The following CADPS2 variants were observed in gnomAD, a reference collection of about 807,000 sequenced individuals.
CADPS2 encodes calcium dependent secretion activator 2.
Under a neutral mutation model 172.5 loss-of-function variants are expected in CADPS2, and 93 were observed. That is an observed-to-expected ratio of 0.54 (90% CI 0.46 to 0.64). The LOEUF (loss-of-function observed/expected upper bound fraction) is 0.64, where lower values mean the gene tolerates loss of function less well. Ranked by LOEUF, CADPS2 falls within the 30% of genes least tolerant of loss-of-function variation. The pLI is 0.00. For synonymous variants in CADPS2, 546 were observed against 555.2 expected (o/e 0.98, Z 0.23); for missense variants, 1,420 against 1,565.9 (o/e 0.91, Z 1.57).
At chr7:122,336,059 C>T (rs1310215297) in intron 28 of CADPS2, among the ~76,000 whole-genome samples, 1 of 152,132 alleles carries the variant, frequency 6.6e-6, no homozygotes, top group East Asian at 1.9e-4. Flanking sequence ...GTGCTAAGAT[C>T]AAGAAATTCA....
chr7:122,586,099 A>G (rs2069642001), intron 6 of CADPS2, among the ~76,000 whole-genome samples: 1 of 151,982 alleles, frequency 6.6e-6, no homozygotes, highest in South Asian at 2.1e-4. Flanking sequence ...CTTTATAATG[A>G]TGGCTATAAT....
At chr7:122,721,004 T>C (rs1021897580) in intron 2 of CADPS2, among the ~76,000 whole-genome samples, 1 of 152,080 alleles carries the variant, frequency 6.6e-6, no homozygotes, top group African/African-American at 2.4e-5. Context: ...CAGAGCTTCA[T>C]GAGAAATTCA....
intron 1 of CADPS2, among the ~76,000 whole-genome samples, chr7:122,827,772 A>C (rs1584708329): frequency 6.6e-6 from 1 of 152,188 alleles, no homozygotes; most frequent in South Asian, 2.1e-4. Context: ...AGACAAAAAC[A>C]GTACAAAAAA....
In CADPS2 at chr7:122,749,637, A is replaced by G. The variant is rs2092864083; in HGVS notation, c.340-12569T>C. On this transcript the variant is annotated intron_variant, in intron 1 of 29. Coordinates refer to ENST00000449022, the MANE Select transcript of CADPS2 (RefSeq NM_017954.11). ...TCATGTATTTAGGGACATAAAATGC[A>G]AGGATCTTATTACTCCTTTTATAAT... 2.6e-5 allele frequency among the ~76,000 whole-genome samples: 4 copies of G among 152,148 alleles called. No individual in the cohort carries two copies. The South Asian group carries it at 8.3e-4, about 32-fold the overall frequency.
chr7:122,457,393 T>C (rs542483427), intron 14 of CADPS2, among the ~76,000 whole-genome samples: 1 of 152,218 alleles, frequency 6.6e-6, no homozygotes, highest in East Asian at 1.9e-4. Context: ...AAAACTAATT[T>C]TGACATGTTT....
At chr7:122,358,813 T>G (rs971454210) in intron 27 of CADPS2, among the ~76,000 whole-genome samples, 2 of 152,132 alleles carry the variant, frequency 1.3e-5, no homozygotes, top group African/African-American at 4.8e-5. Context: ...AATTCATCAC[T>G]TTGTAATCTG....
chr7:122,436,419 C>A, intron 17 of CADPS2: 1 of 1,225,216 alleles, frequency 8.2e-7, no homozygotes, highest in Non-Finnish European at 1.1e-6. Flanking sequence ...GAAAAGCAAA[C>A]TCTACCCTTG....
chr7:122,704,993 G>A (rs1236891548), intron 2 of CADPS2, among the ~76,000 whole-genome samples: 2 of 152,000 alleles, frequency 1.3e-5, no homozygotes, highest in African/African-American at 2.4e-5. Context: ...TAATGAAACA[G>A]CCTGAGGAGA....
At chr7:122,619,160 C>G (rs1458167073) in intron 5 of CADPS2, among the ~76,000 whole-genome samples, 1 of 151,788 alleles carries the variant, frequency 6.6e-6, no homozygotes, top group Non-Finnish European at 1.5e-5. Context: ...TTTCAACAGG[C>G]AAAATATAAT....
chr7:122,438,843 C>T (rs1189196515), intron 16 of CADPS2, among the ~76,000 whole-genome samples: 1 of 151,786 alleles, frequency 6.6e-6, no homozygotes, highest in Non-Finnish European at 1.5e-5. Context: ...TTGCACATCC[C>T]TAATTTAAAA....
chr7:122,861,920 G>A (rs1346802493), intron 1 of CADPS2, among the ~76,000 whole-genome samples: 1 of 152,162 alleles, frequency 6.6e-6, no homozygotes, highest in Non-Finnish European at 1.5e-5. Flanking sequence ...AAAGTTCTGA[G>A]GGAGAATGAT....
intron 20 of CADPS2, among the ~76,000 whole-genome samples, 151 bp from the exon 21 acceptor site, chr7:122,393,733 TATC>T (rs2044702493): frequency 6.6e-6 from 1 of 152,200 alleles, no homozygotes; most frequent in Non-Finnish European, 1.5e-5. Flanking sequence ...CCATATTGAA[TATC>T]ATATCATGGA....
intron 1 of CADPS2, among the ~76,000 whole-genome samples, chr7:122,840,040 T>A (rs1336813367): frequency 6.6e-6 from 1 of 152,136 alleles, no homozygotes; most frequent in Non-Finnish European, 1.5e-5. Flanking sequence ...CAAATGTCCA[T>A]CAATGATAGA....
chr7:122,757,883 T>C (rs1230205280), intron 1 of CADPS2, among the ~76,000 whole-genome samples: 1 of 151,526 alleles, frequency 6.6e-6, no homozygotes, highest in East Asian at 1.9e-4. Context: ...GTATGGATGT[T>C]TTTCTGCATA....
chr7:122,645,414 C>T (rs199626946), intron 3 of CADPS2, among the ~76,000 whole-genome samples: 1,264 of 87,582 alleles, frequency 0.014, 73 homozygotes, highest in East Asian at 0.054. Flanking sequence ...CATATACACA[C>T]ATGTATATGT....
intron 1 of CADPS2, among the ~76,000 whole-genome samples, chr7:122,868,191 G>T (rs1818786052): frequency 7.5e-6 from 1 of 133,908 alleles, no homozygotes; most frequent in African/African-American, 2.8e-5. Context: ...AAATCACCTA[G>T]CTCTGGAAGT....
intron 25 of CADPS2, among the ~76,000 whole-genome samples, chr7:122,372,077 C>T (rs1034700032): frequency 1.3e-5 from 2 of 152,182 alleles, no homozygotes; most frequent in Non-Finnish European, 2.9e-5. Flanking sequence ...TATTCACTAA[C>T]ACTAATAAAT....
intron 24 of CADPS2, among the ~76,000 whole-genome samples, 186 bp downstream of exon 24, chr7:122,386,840 T>C (rs571612652): frequency 7.2e-5 from 11 of 152,250 alleles, no homozygotes; most frequent in African/African-American, 2.6e-4. Flanking sequence ...ACCATATTTA[T>C]ATCAAAAAGG....
At chr7:122,825,789 A>G (rs554498024) in intron 1 of CADPS2, among the ~76,000 whole-genome samples, 1 of 152,280 alleles carries the variant, frequency 6.6e-6, no homozygotes, top group Admixed American at 6.5e-5. Flanking sequence ...ATGTTTTGCA[A>G]TACTACAGTA....
Sources: allele counts gnomAD v4.1 joint callset (sites outside exome capture counted in the v4.1 genomes callset), GRCh38; gene constraint gnomAD v4.1.1; transcripts MANE v1.5; gene names NCBI Gene and HGNC (gene_info 2026-07-23, HGNC 2026-07-21).